Variants in SLCO1B3 observed in about 807,000 individuals in gnomAD.
SLCO1B3 encodes solute carrier organic anion transporter family member 1B3.
In SLCO1B3, 72 loss-of-function variants were observed where a neutral mutation model predicts 71.8. The ratio of observed to expected loss-of-function variants is 1.00; its 90% CI spans 0.83 to 1.22. The LOEUF is 1.22. Among genes scored for constraint, SLCO1B3 ranks in the 50% most tolerant of loss-of-function variants. SLCO1B3 has a pLI of 0.00. For missense variants in SLCO1B3, 911 were observed against 819.7 expected (o/e 1.11, Z -1.36); for synonymous variants, 298 against 278.4 (o/e 1.07, Z -0.70).
intron 3 of SLCO1B3, among the ~76,000 whole-genome samples, chr12:20,835,466 G>A (rs1360150899): frequency 6.6e-6 from 1 of 152,066 alleles, no homozygotes; most frequent in African/African-American, 2.4e-5. Flanking sequence ...TTGCTGCTTA[G>A]AAATATCTTC....
chr12:20,825,566 C>A (rs537989293), intron 3 of SLCO1B3, among the ~76,000 whole-genome samples: 34 of 151,910 alleles, frequency 2.2e-4, no homozygotes, highest in African/African-American at 8.2e-4. Context: ...GAGGCCAAGG[C>A]GGGCAGATCA....
intron 13 of SLCO1B3, among the ~76,000 whole-genome samples, chr12:20,886,575 A>G (rs925602362): frequency 6.6e-6 from 1 of 152,056 alleles, no homozygotes; most frequent in Non-Finnish European, 1.5e-5. Flanking sequence ...TAAAGAAACT[A>G]TGTCAAGGCC....
At chr12:20,874,708 A>C (rs548296442) in intron 8 of SLCO1B3, among the ~76,000 whole-genome samples, 2 of 152,204 alleles carry the variant, frequency 1.3e-5, no homozygotes, top group African/African-American at 4.8e-5. Flanking sequence ...TTCATTTTGC[A>C]TAGTTTTTCA....
chr12:20,872,492 C>CCT (rs888719514), intron 8 of SLCO1B3, among the ~76,000 whole-genome samples: 3 of 152,100 alleles, frequency 2.0e-5, no homozygotes, highest in African/African-American at 7.2e-5. Flanking sequence ...TTCTCTTAAA[C>CCT]AGAAGGAGTC....
chr12:20,908,014 A>G (rs1866289618), intron 15 of SLCO1B3, among the ~76,000 whole-genome samples: 1 of 152,174 alleles, frequency 6.6e-6, no homozygotes, highest in Non-Finnish European at 1.5e-5. Flanking sequence ...TACTTTAGTT[A>G]TGTTAGTTTC....
intron 8 of SLCO1B3, among the ~76,000 whole-genome samples, chr12:20,867,788 G>C (rs1316628752): frequency 1.3e-5 from 2 of 152,126 alleles, no homozygotes; most frequent in Admixed American, 1.3e-4. Flanking sequence ...TAGAAATTAT[G>C]ATGTATTTCT....
At position 20,858,639 on chromosome 12, in the gene SLCO1B3, T is replaced by C. The variant is rs1158733144; in HGVS notation, c.359+68T>C. On this transcript the variant is annotated intron_variant, in intron 5 of 15. Coordinates refer to ENST00000381545, the MANE Select transcript of SLCO1B3 (RefSeq NM_019844.4). ...GTAAATTAGCAGTAGAATTTTATTT[T>C]TATACTTGTAAGTGGGCAGTTACCT... 3.4e-6 allele frequency: 5 copies of C among 1,463,510 alleles called. No individual in the cohort carries two copies. The East Asian group carries it at 1.1e-4, about 33-fold the overall frequency. The allele number at this position is 1,463,510 out of a possible 1,614,324, so 90.7% of individuals were successfully genotyped here. A position where few individuals can be genotyped will look rare whatever the true frequency, so the allele number is the denominator to read the frequency against.
At chr12:20,909,231 TCTCGGCTCA>T (rs991840647) in intron 15 of SLCO1B3, among the ~76,000 whole-genome samples, 1 of 149,840 alleles carries the variant, frequency 6.7e-6, no homozygotes, top group Non-Finnish European at 1.5e-5. Context: ...AGTGGCATGA[TCTCGGCTCA>T]CTGCAAGCTA....
intron 15 of SLCO1B3, among the ~76,000 whole-genome samples, chr12:20,905,668 G>T (rs58213259): frequency 0.081 from 12,331 of 152,128 alleles, 1,456 homozygotes; most frequent in African/African-American, 0.26. Flanking sequence ...CTTTACTCCA[G>T]TTCCCCATAA....
At chr12:20,893,376 G>T (rs891505003) in intron 13 of SLCO1B3, among the ~76,000 whole-genome samples, 2 of 152,166 alleles carry the variant, frequency 1.3e-5, no homozygotes, top group Admixed American at 6.5e-5. Context: ...GTCAAGAAAT[G>T]ATGAGAGTTG....
intron 13 of SLCO1B3, among the ~76,000 whole-genome samples, chr12:20,884,558 A>C (rs1272808463): frequency 6.6e-6 from 1 of 152,094 alleles, no homozygotes; most frequent in Non-Finnish European, 1.5e-5. Flanking sequence ...GGTATGGCAG[A>C]TGATGTTTGG....
intron 3 of SLCO1B3, among the ~76,000 whole-genome samples, chr12:20,853,142 T>C (rs1035795614): frequency 6.6e-6 from 1 of 152,162 alleles, no homozygotes; most frequent in African/African-American, 2.4e-5. Context: ...TTTTTTAAAA[T>C]ATGCTGTTGA....
chr12:20,882,566 G>A (rs1865713635), intron 12 of SLCO1B3, among the ~76,000 whole-genome samples: 1 of 149,068 alleles, frequency 6.7e-6, no homozygotes, highest in Non-Finnish European at 1.5e-5. Context: ...ACCACACCCG[G>A]CTAATTTTTT....
At chr12:20,862,934 C>G in intron 8 of SLCO1B3, 80 bp downstream of exon 8, 2 of 702,994 alleles carry the variant, frequency 2.8e-6, no homozygotes, top group Admixed American at 2.4e-5. Context: ...TAAATTCAGT[C>G]TTTCAATAGT....
chr12:20,883,421 T>C lies in SLCO1B3; in HGVS notation c.1501T>C (p.Phe501Leu). 1 of 1,525,994 alleles carries C rather than the reference T, an allele frequency of 6.6e-7. No homozygotes were observed. The highest frequency in any genetic ancestry group is 8.8e-7 in the Non-Finnish European group (1 of 1,138,584). The allele number at this position is 1,525,994 out of a possible 1,614,324, so 94.5% of individuals were successfully genotyped here. A position where few individuals can be genotyped will look rare whatever the true frequency, so the allele number is the denominator to read the frequency against. The change falls in exon 13 of 16, where the codon TTT becomes CTT. Residue 501 changes from phenylalanine (F) to leucine (L), a missense_variant. Physicochemically the swap from Phe to Leu is conservative, Grantham distance 22. Transcript: ENST00000381545. ...SSSGIKKHTV[F>L]YNCSCVEVTG... ...ATATTTCAAAAACTATTTTTAGGTG[T>C]TTTATAACTGTAGTTGTGTGGAAGT...
intron 13 of SLCO1B3, among the ~76,000 whole-genome samples, chr12:20,890,965 T>G (rs1865890775): frequency 6.6e-6 from 1 of 152,132 alleles, no homozygotes; most frequent in African/African-American, 2.4e-5. Context: ...TTTTAAAAAT[T>G]CATTCTGCCA....
chr12:20,836,312 A>G (rs1347139480), intron 3 of SLCO1B3, among the ~76,000 whole-genome samples: 1 of 152,174 alleles, frequency 6.6e-6, no homozygotes, highest in Non-Finnish European at 1.5e-5. Flanking sequence ...ATTTTCATAC[A>G]TTGAACCAGC....
At chr12:20,853,540 A>G (rs548015145) in intron 3 of SLCO1B3, among the ~76,000 whole-genome samples, 11 of 152,110 alleles carry the variant, frequency 7.2e-5, no homozygotes, top group Admixed American at 4.6e-4. Context: ...GTCATCTCTT[A>G]TAATTCTTTT....
At chr12:20,909,390 G>A (rs952821612) in intron 15 of SLCO1B3, among the ~76,000 whole-genome samples, 1 of 150,126 alleles carries the variant, frequency 6.7e-6, no homozygotes, top group African/African-American at 2.4e-5. Flanking sequence ...AGCCAGGATG[G>A]TCTTGATCTC....
Sources: allele counts gnomAD v4.1 joint callset (sites outside exome capture counted in the v4.1 genomes callset), GRCh38; gene constraint gnomAD v4.1.1; transcripts MANE v1.5; gene names NCBI Gene and HGNC (gene_info 2026-07-23, HGNC 2026-07-21).